PCBP2: variants seen among roughly 807,000 people sequenced by gnomAD.
The protein encoded by PCBP2 is poly(rC)-binding protein 2.
PCBP2 carries 4 observed loss-of-function variants against 50.1 expected under a neutral mutation model. The ratio of observed to expected loss-of-function variants is 0.08; its 90% CI spans 0.04 to 0.18. PCBP2 has a LOEUF of 0.18. Ranked by LOEUF, PCBP2 falls within the 10% of genes least tolerant of loss-of-function variation. The pLI, the probability that PCBP2 is intolerant of heterozygous loss-of-function variation, is 1.00. For missense variants in PCBP2, 161 were observed against 474.3 expected (o/e 0.34, Z 6.14); for synonymous variants, 179 against 168.0 (o/e 1.07, Z -0.51).
Position 53,454,806 on chromosome 12 carries a change from C to T in PCBP2, c.6C>T (p.Asp2=), listed in dbSNP as rs761957194. The T allele has an allele frequency of 2.7e-5, 43 of 1,613,910 alleles. No homozygotes were observed. The highest frequency in any genetic ancestry group is 3.5e-5 in the Non-Finnish European group (41 of 1,179,900). Residue 2 remains aspartate, a synonymous_variant, in exon 2 of 15, where the codon GAC becomes GAT. Coordinates refer to ENST00000546463, the MANE Select transcript of PCBP2 (RefSeq NM_031989.5). ...TCCCCAGAACACTGCTCGACATGGA[C>T]ACCGGTGTGATTGAAGGTGGATTAA... The part of the protein sequence containing the change: M[D]TGVIEGGLNV...
chr12:53,467,040 C>G (rs1941873930), intron 10 of PCBP2, among the ~76,000 whole-genome samples, 181 bp from the exon 11 acceptor site: 1 of 152,120 alleles, frequency 6.6e-6, no homozygotes, highest in Admixed American at 6.5e-5. Flanking sequence ...ATTTCTAACC[C>G]TTACCCTTCA....
rs186351785 is a variant in PCBP2 at position 53,476,686 on chromosome 12, A to G, written c.1053-2720A>G. 3.9e-5 allele frequency among the ~76,000 whole-genome samples: 6 copies of G among 152,138 alleles called. No individual in the cohort carries two copies. In the East Asian group the frequency reaches 1.2e-3, roughly 29 times the overall value. ...AAAGCTGTTAGTATTCCAATATATTATCTCATTCTTTGATGTTATTTTGGC... is the reference window on the plus strand; with the variant it reads ...AAAGCTGTTAGTATTCCAATATATTGTCTCATTCTTTGATGTTATTTTGGC... On this transcript the variant is annotated intron_variant, in intron 14 of 14. Transcript: ENST00000546463.
chr12:53,471,029 A>C (rs929424737), intron 13 of PCBP2, among the ~76,000 whole-genome samples: 1 of 152,090 alleles, frequency 6.6e-6, no homozygotes, highest in African/African-American at 2.4e-5. Context: ...CTTGGACCTA[A>C]AAGACAGTTC....
intron 14 of PCBP2, 72 bp downstream of exon 14, chr12:53,471,879 A>ATT: frequency 7.7e-7 from 1 of 1,295,280 alleles, no homozygotes; most frequent in Non-Finnish European, 1.1e-6. Flanking sequence ...GCTGCAGTGT[A>ATT]TTAAATATGG....
chr12:53,466,392 T>A (rs781464963), intron 10 of PCBP2, among the ~76,000 whole-genome samples: 5 of 152,198 alleles, frequency 3.3e-5, no homozygotes, highest in Non-Finnish European at 5.9e-5. Context: ...GATGACAATT[T>A]GAAAAGTATT....
intron 14 of PCBP2, among the ~76,000 whole-genome samples, chr12:53,478,667 G>A (rs1398179820): frequency 2.6e-5 from 4 of 152,038 alleles, no homozygotes. Flanking sequence ...AGCTGGGAGT[G>A]GTGGTGGCTG....
intron 10 of PCBP2, 106 bp from the exon 11 acceptor site, chr12:53,467,115 G>A (rs1941879921): frequency 1.3e-6 from 1 of 765,598 alleles, no homozygotes; most frequent in Admixed American, 2.1e-5. Context: ...AGTTTGAGTA[G>A]TAGAGTCAAT....
chr12:53,481,107 G>A lies in PCBP2; in HGVS notation c.*1665G>A, dbSNP rs1043522843. The A allele has an allele frequency of 3.6e-5, 22 of 603,882 alleles. No homozygotes were observed. In the East Asian group the frequency reaches 5.6e-4, roughly 15 times the overall value. The allele number at this position is 603,882 out of a possible 1,614,324, so 37.4% of individuals were successfully genotyped here. Reference sequence around the variant, plus strand: ...CCCATCTTTCTGTTGATTATGTGGCGCATATATATATATATATGTATATAT... The same window carrying A: ...CCCATCTTTCTGTTGATTATGTGGCACATATATATATATATATGTATATAT... On this transcript the variant is annotated 3_prime_UTR_variant, in exon 15 of 15. Transcript: ENST00000546463.
chr12:53,467,779 A>C lies in PCBP2; in HGVS notation c.788-26A>C. On this transcript the variant is annotated intron_variant, in intron 11 of 14. Transcript: ENST00000546463. ...GATAGGGTTAGGATGAGACCACCAA[A>C]CTCATTTTCACTTGTATCTTAACAG... 1.9e-6 allele frequency: 3 copies of C among 1,600,194 alleles called. No homozygotes were observed. The African/African-American group carries it at 4.0e-5, about 21-fold the overall frequency.
chr12:53,466,047 A>ACTCACTTCTGGCTACTTG, intron 10 of PCBP2, 74 bp downstream of exon 10: 1 of 1,209,068 alleles, frequency 8.3e-7, no homozygotes, highest in Non-Finnish European at 1.2e-6. Flanking sequence ...CTCTCTCCCA[A>ACTCACTTCTGGCTACTTG]GTAGCCAGAA....
chr12:53,453,418 A>C (rs535035208), intron 1 of PCBP2: 2 of 152,334 alleles, frequency 1.3e-5, no homozygotes, highest in African/African-American at 4.8e-5. Flanking sequence ...GGATTTTGCC[A>C]GCAATTAATT....
In PCBP2 at chr12:53,472,456, C is replaced by T. The variant is rs577300398; in HGVS notation, c.1052+649C>T. Among the ~76,000 whole-genome samples the T allele has an allele frequency of 7.9e-5, 12 of 152,312 alleles. No homozygotes were observed. In the South Asian group the frequency reaches 2.5e-3, roughly 32 times the overall value. ...CATAGCTAGGTAGTGTTACTACTCT[C>T]AATTTTAGGACACTGTTCACAGTCA... On this transcript the variant is annotated intron_variant, in intron 14 of 14. Coordinates refer to ENST00000546463, the MANE Select transcript of PCBP2 (RefSeq NM_031989.5).
rs779598796 is a variant in PCBP2, at chr12:53,461,119, A to G, written c.480A>G (p.Lys160=). The part of the protein sequence containing the change: ...GIPQSIIECV[K]QICVVMLESP... Reference sequence around the variant, plus strand: ...CACAATCCATCATTGAGTGTGTCAAACAGATCTGCGTGGTCATGTTGGAGG... The same window carrying G: ...CACAATCCATCATTGAGTGTGTCAAGCAGATCTGCGTGGTCATGTTGGAGG... Residue 160 remains lysine (K), a synonymous_variant, in exon 7 of 15, where the codon AAA becomes AAG. Coordinates refer to ENST00000546463, the MANE Select transcript of PCBP2 (RefSeq NM_031989.5). 6.2e-6 allele frequency: 10 copies of G among 1,613,948 alleles called. No homozygotes were observed. The highest frequency in any genetic ancestry group is 8.5e-7 in the Non-Finnish European group (1 of 1,179,972).
intron 7 of PCBP2, 85 bp downstream of exon 7, chr12:53,461,228 T>A: frequency 6.8e-7 from 1 of 1,465,184 alleles, no homozygotes; most frequent in African/African-American, 1.4e-5. Context: ...AGACTAGAAT[T>A]AAGTGAGGCT....
intron 13 of PCBP2, 44 bp downstream of exon 13, chr12:53,468,876 CTG>C (rs769631877): frequency 2.2e-6 from 3 of 1,353,730 alleles, no homozygotes; most frequent in Admixed American, 1.7e-5. Flanking sequence ...AGAAAATAGA[CTG>C]TAAAGAAATA....
intron 14 of PCBP2, among the ~76,000 whole-genome samples, chr12:53,478,918 C>A (rs1942855651): frequency 6.6e-6 from 1 of 152,012 alleles, no homozygotes; most frequent in Non-Finnish European, 1.5e-5. Flanking sequence ...ATACCCTACA[C>A]ATTGATAGAA....
chr12:53,471,895 C>T (rs1266223957), intron 14 of PCBP2, 88 bp downstream of exon 14: 16 of 1,085,120 alleles, frequency 1.5e-5, no homozygotes, highest in Middle Eastern at 3.4e-4. Context: ...TATGGGATTA[C>T]ATGGGCGATG....
rs1942950828 is a variant in PCBP2, at chr12:53,479,981, C to T, written c.*539C>T. 1.3e-5 allele frequency: 2 copies of T among 152,092 alleles called. No homozygotes were observed. Among genetic ancestry groups the T allele is most frequent in the South Asian group, 2.1e-4 (1 of 4,830 alleles). The allele number at this position is 152,092 out of a possible 1,614,324, so 9.4% of individuals were successfully genotyped here. On this transcript the variant is annotated 3_prime_UTR_variant, in exon 15 of 15. Transcript: ENST00000546463. Reference sequence around the variant, plus strand: ...CACTTCCATCTTTTTTTGTGGCCCTCGATCCTATTTTTCCCTGACTCCATG... The same window carrying T: ...CACTTCCATCTTTTTTTGTGGCCCTTGATCCTATTTTTCCCTGACTCCATG...
At chr12:53,452,556 A>G (rs1157724940) in intron 1 of PCBP2, among the ~76,000 whole-genome samples, 180 bp downstream of exon 1, 3 of 150,092 alleles carry the variant, frequency 2.0e-5, no homozygotes, top group African/African-American at 7.4e-5. Flanking sequence ...GGCGCGGCCT[A>G]GTAGGCCTCG....
Sources: gnomAD v4.1 joint callset for allele counts (sites outside exome capture counted in the v4.1 genomes callset) on GRCh38, gnomAD v4.1.1 for gene constraint, MANE v1.5 for transcripts, NCBI Gene and HGNC (gene_info 2026-07-23, HGNC 2026-07-21) for gene names.